MMRN1: variants seen among roughly 807,000 people sequenced by gnomAD.
MMRN1 encodes the protein multimerin-1.
Under a neutral mutation model 100.7 loss-of-function variants are expected in MMRN1, and 94 were observed. The ratio of observed to expected loss-of-function variants is 0.93; its 90% CI spans 0.79 to 1.11. MMRN1 has a LOEUF of 1.11. Ranked by LOEUF, MMRN1 falls within the 50% of genes least tolerant of loss-of-function variation. The probability of loss-of-function intolerance (pLI) is 0.00; values close to 1 mark genes in which losing one functional copy is unlikely to be tolerated. For missense variants in MMRN1, 1,606 were observed against 1,439.1 expected (o/e 1.12, Z -1.88); for synonymous variants, 575 against 505.0 (o/e 1.14, Z -1.86).
At position 89,934,832 on chromosome 4, in the gene MMRN1, T is replaced by A. The variant is rs550865643; in HGVS notation, c.1152T>A (p.Asn384Lys). The A allele has an allele frequency of 3.3e-5, 50 of 1,526,560 alleles. No homozygotes were observed. The South Asian group carries it at 6.2e-4, about 19-fold the overall frequency. 94.6% of individuals were successfully genotyped at this position (1,526,560 alleles called of 1,614,324 possible). The change falls in exon 6 of 8, where the codon AAT becomes AAA. Residue 384 changes from asparagine (N) to lysine (K), a missense_variant. Coordinates refer to ENST00000264790, the MANE Select transcript of MMRN1 (RefSeq NM_007351.3). The stretch of plus-strand genomic sequence containing the variant: ...TAGGTCTAAAATCCAAAAGCATTAA[T>A]GTACTGATAAGAGACATAGTAAGAG... ...LLKGLKSKSI[N>K]VLIRDIVREQ...
chr4:89,949,778 T>G, intron 6 of MMRN1, among the ~76,000 whole-genome samples: 1 of 152,224 alleles, frequency 6.6e-6, no homozygotes, highest in East Asian at 1.9e-4. Flanking sequence ...GCAAAAAATT[T>G]TAATAATACA....
Position 89,904,237 on chromosome 4 carries a change from AT to A in MMRN1, c.624-5032del, listed in dbSNP as rs1196032681. Reference sequence around the variant, plus strand: ...ATTATTATTTTTCACTTTGTGTGGCATTTTTTTCAGTATGTATGTATTTATT... The same window carrying A: ...ATTATTATTTTTCACTTTGTGTGGCATTTTTTCAGTATGTATGTATTTATT... On this transcript the variant is annotated intron_variant, in intron 1 of 7. Transcript: ENST00000264790. 4.6e-5 allele frequency among the ~76,000 whole-genome samples: 7 copies of A among 151,472 alleles called. No homozygotes were observed. The South Asian group carries it at 6.2e-4, about 14-fold the overall frequency.
intron 4 of MMRN1, among the ~76,000 whole-genome samples, chr4:89,925,753 C>T (rs1233141265): frequency 6.6e-6 from 1 of 152,036 alleles, no homozygotes; most frequent in Non-Finnish European, 1.5e-5. Context: ...TCGCTTGAAC[C>T]TGGGAGGTGA....
At position 89,911,495 on chromosome 4, in the gene MMRN1, A is replaced by G. The variant is rs537675727; in HGVS notation, c.744-449A>G. On this transcript the variant is annotated intron_variant, in intron 2 of 7. Transcript: ENST00000264790. The stretch of plus-strand genomic sequence containing the variant: ...TAGTGGTTGTCATAATTTCAATTAG[A>G]TCACGAATATCCAATTTGTTTCAAG... 1.4e-3 allele frequency among the ~76,000 whole-genome samples: 208 copies of G among 151,478 alleles called. 2 individuals are homozygous for G. Among genetic ancestry groups the G allele is most frequent in the African/African-American group, 4.9e-3 (202 of 41,466 alleles).
chr4:89,899,657 C>T (rs72657796), intron 1 of MMRN1, among the ~76,000 whole-genome samples: 17,333 of 152,094 alleles, frequency 0.11, 1,328 homozygotes, highest in Non-Finnish European at 0.17. Context: ...TCCCACAATT[C>T]CCAACCCCTG....
At chr4:89,948,993 A>T (rs1332760603) in intron 6 of MMRN1, among the ~76,000 whole-genome samples, 2 of 152,188 alleles carry the variant, frequency 1.3e-5, no homozygotes, top group African/African-American at 4.8e-5. Flanking sequence ...GACCCTAAAA[A>T]GAAATTGGAA....
intron 7 of MMRN1, among the ~76,000 whole-genome samples, chr4:89,951,989 C>T (rs1723194432): frequency 6.6e-6 from 1 of 152,080 alleles, no homozygotes; most frequent in South Asian, 2.1e-4. Flanking sequence ...TATATAGAGG[C>T]AGTTTATGGA....
Position 89,912,016 on chromosome 4 carries a change from T to C in MMRN1, c.816T>C (p.Cys272=). ...TCACCTCATTGGATTGGAGGTGCTG[T>C]CCTGGATACAGTGGGCCGAAATGTC... ...KIVTSLDWRC[C]PGYSGPKCQL... The change falls in exon 3 of 8, where the codon TGT becomes TGC. Residue 272 remains cysteine, a synonymous_variant. Coordinates refer to ENST00000264790, the MANE Select transcript of MMRN1 (RefSeq NM_007351.3). 2 of 1,602,564 alleles carry C rather than the reference T, an allele frequency of 1.2e-6. No homozygotes were observed. The highest frequency in any genetic ancestry group is 8.5e-7 in the Non-Finnish European group (1 of 1,173,436).
intron 6 of MMRN1, among the ~76,000 whole-genome samples, chr4:89,951,158 GT>G (rs151005856): frequency 0.025 from 3,795 of 151,754 alleles, 68 homozygotes; most frequent in African/African-American, 0.05. Flanking sequence ...AATCATATTG[GT>G]TTTTTTATAT....
intron 6 of MMRN1, among the ~76,000 whole-genome samples, chr4:89,939,403 C>G (rs1033720484): frequency 3.3e-5 from 5 of 152,044 alleles, no homozygotes; most frequent in African/African-American, 1.2e-4. Flanking sequence ...TGATAACTTA[C>G]TTTGAAGCCT....
In MMRN1 at chr4:89,908,660, G is replaced by T. The variant is rs531940260; in HGVS notation, c.624-616G>T. ...TTAATAGTGTCTTTTTTAATTTGTT[G>T]TTGGTACAGAGAAATGTAACTGATC... On this transcript the variant is annotated intron_variant, in intron 1 of 7. Transcript: ENST00000264790. Among the ~76,000 whole-genome samples, 19 of 151,284 alleles carry T rather than the reference G, an allele frequency of 1.3e-4. No individual in the cohort carries two copies. In the South Asian group the frequency reaches 3.7e-3, roughly 30 times the overall value.
At chr4:89,886,224 G>T (rs1022495298) in intron 1 of MMRN1, among the ~76,000 whole-genome samples, 1 of 151,668 alleles carries the variant, frequency 6.6e-6, no homozygotes, top group African/African-American at 2.4e-5. Flanking sequence ...TATTTCAAGT[G>T]ACAAAATTGC....
Position 89,935,265 on chromosome 4 carries a change from C to CAGA in MMRN1, c.1590_1592dup (p.Lys530dup), listed in dbSNP as rs746622124. ...TTTATCAACTGAACAGGTATCAGAC[C>CAGA]AGAAGAATGCTCCAGCTGCTGAGTC... is the stretch of plus-strand genomic sequence containing the variant. On this transcript the variant is annotated inframe_insertion, in exon 6 of 8. Coordinates refer to ENST00000264790, the MANE Select transcript of MMRN1 (RefSeq NM_007351.3). 2 of 1,613,630 alleles carry CAGA rather than the reference C, an allele frequency of 1.2e-6. No individual in the cohort carries two copies. The highest frequency in any genetic ancestry group is 4.5e-5 in the East Asian group (2 of 44,832).
chr4:89,884,071 C>A lies in MMRN1; in HGVS notation c.-249+4469C>A, dbSNP rs572392683. 2.1e-3 allele frequency among the ~76,000 whole-genome samples: 317 copies of A among 152,090 alleles called. 2 individuals are homozygous for A. Among genetic ancestry groups the A allele is most frequent in the African/African-American group, 7.0e-3 (291 of 41,494 alleles). On this transcript the variant is annotated intron_variant, in intron 1 of 8. Transcript: ENST00000394980. ...TTTTGGACTATTTTGTCCCGGTGCTCTATTTTTCTATTTTTACACCAATAT... is the reference window on the plus strand; with the variant it reads ...TTTTGGACTATTTTGTCCCGGTGCTATATTTTTCTATTTTTACACCAATAT...
intron 1 of MMRN1, 96 bp from the exon 2 acceptor site, chr4:89,909,180 A>C: frequency 1.5e-6 from 2 of 1,321,016 alleles, no homozygotes; most frequent in Non-Finnish European, 2.1e-6. Context: ...GATCTATAGT[A>C]TGGCAAAAAT....
Position 89,895,573 on chromosome 4 carries a change from A to C in MMRN1, c.602A>C (p.Asn201Thr). 4.3e-6 allele frequency: 7 copies of C among 1,613,448 alleles called. No individual in the cohort carries two copies. Among genetic ancestry groups the C allele is most frequent in the Non-Finnish European group, 5.9e-6 (7 of 1,179,710 alleles). ...SSQRTDYQKSNFETTRGKNWC... is the reference protein window; with the variant it reads ...SSQRTDYQKSTFETTRGKNWC... ...CAAAGAACTGACTACCAAAAATCAA[A>C]TTTCGAAACAACTAGAGGAAAGTAA... is the stretch of plus-strand genomic sequence containing the variant. The change falls in exon 1 of 8, where the codon AAT becomes ACT. Residue 201 changes from asparagine (N) to threonine (T), a missense_variant. Physicochemically the swap from Asn to Thr is moderately conservative, Grantham distance 65. Transcript: ENST00000264790.
chr4:89,931,034 T>C (rs2110626407), intron 5 of MMRN1, among the ~76,000 whole-genome samples: 1 of 152,300 alleles, frequency 6.6e-6, no homozygotes, highest in South Asian at 2.1e-4. Context: ...TATTGATTAC[T>C]ATTCTATATT....
At chr4:89,907,872 G>T in intron 1 of MMRN1, among the ~76,000 whole-genome samples, 1 of 148,182 alleles carries the variant, frequency 6.7e-6, no homozygotes, top group South Asian at 2.1e-4. Context: ...CCATATACTG[G>T]TCCTGTTTTG....
intron 4 of MMRN1, among the ~76,000 whole-genome samples, chr4:89,924,513 T>C (rs1722183427): frequency 6.6e-6 from 1 of 151,462 alleles, no homozygotes; most frequent in Non-Finnish European, 1.5e-5. Context: ...ATTTAAGTGA[T>C]TTTTAAATAT....
Sources: gnomAD v4.1 joint callset for allele counts (sites outside exome capture counted in the v4.1 genomes callset) on GRCh38, gnomAD v4.1.1 for gene constraint, MANE v1.5 for transcripts, NCBI Gene and HGNC (gene_info 2026-07-23, HGNC 2026-07-21) for gene names.